The following SPIDR variants were observed in gnomAD, a reference collection of about 807,000 sequenced individuals.
The protein encoded by SPIDR is scaffold protein involved in DNA repair, also known as DNA repair-scaffolding protein.
SPIDR carries 93 observed loss-of-function variants against 104.6 expected under a neutral mutation model. The observed-to-expected ratio is 0.89, with a 90% CI of 0.75 to 1.06. The LOEUF (loss-of-function observed/expected upper bound fraction) is 1.06, where lower values mean the gene tolerates loss of function less well. Ranked by LOEUF, SPIDR falls within the 50% of genes least tolerant of loss-of-function variation. The probability of loss-of-function intolerance (pLI) is 0.00; values close to 1 mark genes in which losing one functional copy is unlikely to be tolerated. For missense variants in SPIDR, 1,154 were observed against 1,111.2 expected (o/e 1.04, Z -0.55); for synonymous variants, 431 against 416.9 (o/e 1.03, Z -0.41).
intron 5 of SPIDR, among the ~76,000 whole-genome samples, chr8:47,371,882 C>T (rs1312201087): frequency 1.3e-5 from 2 of 152,064 alleles, no homozygotes; most frequent in Non-Finnish European, 2.9e-5. Context: ...TCAGCCTAAC[C>T]GCTCATATTA....
intron 8 of SPIDR, among the ~76,000 whole-genome samples, chr8:47,472,045 C>G (rs1412765907): frequency 6.6e-6 from 1 of 152,184 alleles, no homozygotes; most frequent in Admixed American, 6.5e-5. Flanking sequence ...TCACTGTATG[C>G]CGGTACATTG....
At chr8:47,293,429 A>G (rs1441030595) in intron 4 of SPIDR, among the ~76,000 whole-genome samples, 1 of 152,158 alleles carries the variant, frequency 6.6e-6, no homozygotes, top group Non-Finnish European at 1.5e-5. Flanking sequence ...TTGAGATAAG[A>G]GTAGAAATAT....
chr8:47,680,556 A>G (rs914872961), intron 11 of SPIDR, among the ~76,000 whole-genome samples: 4 of 152,226 alleles, frequency 2.6e-5, no homozygotes, highest in African/African-American at 9.6e-5. Context: ...GGAAATATGT[A>G]GTGGTAAGAG....
chr8:47,399,172 A>T (rs184991766), intron 6 of SPIDR, among the ~76,000 whole-genome samples: 11 of 152,332 alleles, frequency 7.2e-5, no homozygotes, highest in Admixed American at 5.2e-4. Flanking sequence ...TTGATAGGGA[A>T]GTCCAGGAGA....
At chr8:47,691,912 C>T (rs1055511800) in intron 11 of SPIDR, among the ~76,000 whole-genome samples, 1 of 152,222 alleles carries the variant, frequency 6.6e-6, no homozygotes, top group Non-Finnish European at 1.5e-5. Context: ...TGCTCCTGGG[C>T]TCTGTGTCAG....
intron 8 of SPIDR, among the ~76,000 whole-genome samples, chr8:47,477,552 T>C (rs2076423731): frequency 6.6e-6 from 1 of 152,214 alleles, no homozygotes; most frequent in Admixed American, 6.5e-5. Flanking sequence ...ATATTTCATA[T>C]AGTAGAGGTA....
At chr8:47,269,568 TAA>T (rs76483348) in intron 1 of SPIDR, among the ~76,000 whole-genome samples, 24 of 131,956 alleles carry the variant, frequency 1.8e-4, no homozygotes, top group Admixed American at 3.1e-4. Flanking sequence ...CCATGTCTCT[TAA>T]AAAAAAAAAA....
intron 6 of SPIDR, among the ~76,000 whole-genome samples, chr8:47,403,618 T>C (rs993159860): frequency 3.3e-5 from 5 of 152,048 alleles, no homozygotes; most frequent in Admixed American, 6.6e-5. Flanking sequence ...TCAAAAAGAA[T>C]AAAATACCTA....
intron 8 of SPIDR, among the ~76,000 whole-genome samples, chr8:47,517,945 G>T (rs755529084): frequency 6.6e-5 from 10 of 152,090 alleles, no homozygotes; most frequent in Admixed American, 2.0e-4. Context: ...CATCATAAGA[G>T]TTCTTGCCTC....
At chr8:47,571,177 A>AG (rs1025178485) in intron 8 of SPIDR, among the ~76,000 whole-genome samples, 1 of 152,198 alleles carries the variant, frequency 6.6e-6, no homozygotes, top group Non-Finnish European at 1.5e-5. Flanking sequence ...ATATTAGTTA[A>AG]GGGGTCCAAA....
At chr8:47,590,821 C>T (rs765649004) in intron 8 of SPIDR, among the ~76,000 whole-genome samples, 6 of 152,064 alleles carry the variant, frequency 3.9e-5, no homozygotes, top group Admixed American at 1.3e-4. Flanking sequence ...TATTTTGAAT[C>T]TATGTTGTTT....
chr8:47,699,981 T>C (rs1029242481), intron 11 of SPIDR, among the ~76,000 whole-genome samples: 1 of 152,254 alleles, frequency 6.6e-6, no homozygotes, highest in Non-Finnish European at 1.5e-5. Context: ...AACATTCTTA[T>C]AGGCTTCAGT....
At chr8:47,610,216 A>G (rs1043485491) in intron 10 of SPIDR, among the ~76,000 whole-genome samples, 2 of 151,684 alleles carry the variant, frequency 1.3e-5, no homozygotes, top group South Asian at 4.2e-4. Context: ...TTCCCACCGT[A>G]CCCCCACCCC....
intron 8 of SPIDR, among the ~76,000 whole-genome samples, chr8:47,527,042 G>A (rs966924638): frequency 6.6e-6 from 1 of 152,132 alleles, no homozygotes; most frequent in African/African-American, 2.4e-5. Context: ...ACTCCAGGGG[G>A]TCCTGTCTTG....
intron 7 of SPIDR, among the ~76,000 whole-genome samples, chr8:47,412,526 T>C (rs980418413): frequency 3.9e-5 from 6 of 152,216 alleles, no homozygotes; most frequent in Non-Finnish European, 7.3e-5. Context: ...ATGACTTTCA[T>C]TGGTCTGGTA....
At chr8:47,720,706 C>G (rs6980675) in intron 16 of SPIDR, among the ~76,000 whole-genome samples, 4,388 of 151,992 alleles carry the variant, frequency 0.029, 225 homozygotes, top group African/African-American at 0.098. Context: ...AGTCCTTGAT[C>G]AGATGTGTCT....
intron 8 of SPIDR, among the ~76,000 whole-genome samples, chr8:47,550,349 C>A (rs894149589): frequency 6.6e-6 from 1 of 152,140 alleles, no homozygotes; most frequent in Non-Finnish European, 1.5e-5. Context: ...CTATAAATTA[C>A]CTTGGGCAGT....
chr8:47,588,074 TATATATATATATAC>T (rs2060500716), intron 8 of SPIDR, among the ~76,000 whole-genome samples: 1 of 99,548 alleles, frequency 1.0e-5, no homozygotes, highest in Non-Finnish European at 2.0e-5. Flanking sequence ...TATATATATA[TATATATATATATAC>T]ACGTATGTAT....
intron 3 of SPIDR, among the ~76,000 whole-genome samples, chr8:47,285,602 T>C (rs2038682696): frequency 6.6e-6 from 1 of 152,220 alleles, no homozygotes; most frequent in Non-Finnish European, 1.5e-5. Flanking sequence ...GGCTTGTAGA[T>C]GATTGCCTTC....
Sources: allele counts gnomAD v4.1 joint callset (sites outside exome capture counted in the v4.1 genomes callset), GRCh38; gene constraint gnomAD v4.1.1; transcripts MANE v1.5; gene names NCBI Gene and HGNC (gene_info 2026-07-23, HGNC 2026-07-21).